Variants in PLEKHG3 observed in about 807,000 individuals in gnomAD.
PLEKHG3 encodes pleckstrin homology domain-containing family G member 3.
Under a neutral mutation model 94.9 loss-of-function variants are expected in PLEKHG3, and 62 were observed. The ratio of observed to expected loss-of-function variants is 0.65; its 90% CI spans 0.53 to 0.81. The LOEUF (loss-of-function observed/expected upper bound fraction) is 0.81, where lower values mean the gene tolerates loss of function less well. PLEKHG3 is among the 30% of genes least tolerant of loss of function. The pLI is 0.00. For missense variants in PLEKHG3, 1,461 were observed against 1,619.3 expected, an observed-to-expected ratio of 0.90 and a Z score of 1.68; for synonymous variants, 614 against 654.0, an observed-to-expected ratio of 0.94 and a Z score of 0.93.
chr14:64,732,269 G>C lies in PLEKHG3; in HGVS notation c.1212+88G>C. The C allele has an allele frequency of 3.7e-6, 5 of 1,345,158 alleles. No individual in the cohort carries two copies. The highest frequency in any genetic ancestry group is 5.3e-6 in the Non-Finnish European group (5 of 936,708). The allele number at this position is 1,345,158 out of a possible 1,614,324, so 83.3% of individuals were successfully genotyped here. A position where few individuals can be genotyped will look rare whatever the true frequency, so the allele number is the denominator to read the frequency against. ...AGGTCCATTGGGGGCTCACCTTCTG[G>C]ATTTGGGCTCCAGTGGACAGTGAGT... On this transcript the variant is annotated intron_variant, in intron 10 of 16. Transcript: ENST00000247226. The surrounding 1 kb of genome is among the most constrained non-coding windows in gnomAD (Gnocchi z 4.9).
rs1395854104 is a variant in PLEKHG3 at position 64,741,118 on chromosome 14, A to G, written c.1601A>G (p.Asp534Gly). Residue 534 changes from aspartate (D) to glycine (G), a missense_variant, in exon 16 of 17, where the codon GAC (aspartate) becomes GGC (glycine). Coordinates refer to ENST00000247226, the MANE Select transcript of PLEKHG3 (RefSeq NM_001308147.2). ...EGPSAEETPS[D>G]TESPEVLETQ... is the part of the protein sequence containing the mutation. ...CCCAGTGCCGAGGAGACGCCTTCAG[A>G]CACAGAATCTCCAGAAGTCCTGGAG... The G allele has an allele frequency of 1.2e-6, 2 of 1,614,050 alleles. No homozygotes were observed.
In PLEKHG3 at chr14:64,731,454, C is replaced by T. The variant is rs1314125081; in HGVS notation, c.943C>T (p.Arg315Cys). ...LEGTFRVHRV[R>C]NERTFFLFDK... ...GGGCACATTCCGCGTGCATCGCGTG[C>T]GCAATGAAAGGACCTTTTTCCTCTT... The change falls in exon 8 of 17, where the codon CGC becomes TGC. Residue 315 changes from arginine (R) to cysteine (C), a missense_variant. Physicochemically the swap from Arg to Cys is radical, Grantham distance 180. This residue lies in a region of PLEKHG3 where 1,201 missense variants were observed against 1,295.5 expected (regional missense o/e 0.93). Transcript: ENST00000247226. This position sits in a 1 kb window ranked among gnomAD's most constrained non-coding sequence, Gnocchi z 6.1. 16 of 1,613,818 alleles carry T rather than the reference C, an allele frequency of 9.9e-6. No individual in the cohort carries two copies. Among genetic ancestry groups the T allele is most frequent in the East Asian group, 2.2e-5 (1 of 44,858 alleles).
rs377751752 is a variant in PLEKHG3, at chr14:64,718,054, T to C, written c.-39-9539T>C. Among the ~76,000 whole-genome samples the C allele has an allele frequency of 6.0e-4, 92 of 152,314 alleles. No homozygotes were observed. The highest frequency in any genetic ancestry group is 2.1e-3 in the African/African-American group (88 of 41,576). On this transcript the variant is annotated intron_variant, in intron 1 of 16. Transcript: ENST00000247226. The surrounding 1 kb of genome is among the most constrained non-coding windows in gnomAD (Gnocchi z 5.0). ...GTCCTCTCGGGACTCAGCTGCTCTC[T>C]TGGCAGCAAATGCACTCAGATCTCT...
In PLEKHG3 at chr14:64,721,616, G is replaced by T. The variant is rs2081263229; in HGVS notation, c.-39-5977G>T. Among the ~76,000 whole-genome samples the T allele has an allele frequency of 6.6e-6, 1 of 152,206 alleles. No individual in the cohort carries two copies. Among genetic ancestry groups the T allele is most frequent in the Non-Finnish European group, 1.5e-5 (1 of 68,034 alleles). ...TGGTCACACTGTTGGCACAGCCTCT[G>T]CAGGCAGTCACGTTGCTCACATGCA... On this transcript the variant is annotated intron_variant, in intron 1 of 16. Transcript: ENST00000247226. The surrounding 1 kb of genome is among the most constrained non-coding windows in gnomAD (Gnocchi z 4.3).
intron 1 of PLEKHG3, among the ~76,000 whole-genome samples, chr14:64,709,381 A>G (rs534700651): frequency 6.6e-6 from 1 of 152,304 alleles, no homozygotes; most frequent in East Asian, 1.9e-4. Flanking sequence ...GGCTTTATAC[A>G]GTTCTGGCGG....
rs1594690197 is a variant in PLEKHG3, at chr14:64,730,292, G to A, written c.499G>A (p.Ala167Thr). The A allele has an allele frequency of 1.3e-6, 2 of 1,535,114 alleles. No individual in the cohort carries two copies. The highest frequency in any genetic ancestry group is 1.7e-6 in the Non-Finnish European group (2 of 1,145,956). Residue 167 changes from alanine to threonine, a missense_variant, in exon 4 of 17, where the codon GCC becomes ACC. Around this residue, in one of 3 missense-constraint regions of PLEKHG3, gnomAD observed 253 missense variants for 297.8 expected, o/e 0.85. Transcript: ENST00000247226. This position sits in a 1 kb window ranked among gnomAD's most constrained non-coding sequence, Gnocchi z 5.4. The stretch of plus-strand genomic sequence containing the variant: ...CTGCAATAGTGACCCCGTGGCTGTG[G>A]CCAGCTGCTTTGTGGAAAGGGTAAG... ...DSCNSDPVAV[A>T]SCFVERSQEF...
Position 64,743,948 on chromosome 14 carries a change from AGTT to A in PLEKHG3, c.*249_*251del, listed in dbSNP as rs1461387220. 3 of 411,640 alleles carry A rather than the reference AGTT, an allele frequency of 7.3e-6. No individual in the cohort carries two copies. Among genetic ancestry groups the A allele is most frequent in the Non-Finnish European group, 1.3e-5 (3 of 232,412 alleles). 25.5% of individuals were successfully genotyped at this position (411,640 alleles called of 1,614,324 possible). A position where few individuals can be genotyped will look rare whatever the true frequency, so the allele number is the denominator to read the frequency against. ...CGGTGTGGCTGCTTCCCTTGTAAAT[AGTT>A]GTTCTCTGGTAAGAAGCCAAATATT... On this transcript the variant is annotated 3_prime_UTR_variant, in exon 17 of 17. Transcript: ENST00000247226. This position sits in a 1 kb window ranked among gnomAD's most constrained non-coding sequence, Gnocchi z 7.2.
At chr14:64,735,728 A>C (rs928441054) in intron 12 of PLEKHG3, among the ~76,000 whole-genome samples, 5 of 149,424 alleles carry the variant, frequency 3.3e-5, no homozygotes, top group Admixed American at 3.3e-4. Context: ...ACATGCAGGC[A>C]CTTTACTGCC....
chr14:64,710,125 G>A (rs1162683758), intron 1 of PLEKHG3, among the ~76,000 whole-genome samples: 1 of 152,198 alleles, frequency 6.6e-6, no homozygotes, highest in Non-Finnish European at 1.5e-5. Context: ...AAAGTGGACA[G>A]CAGGGTGTAT....
chr14:64,731,562 A>G lies in PLEKHG3; in HGVS notation c.1032+19A>G. 1 of 1,610,682 alleles carries G rather than the reference A, an allele frequency of 6.2e-7. No individual in the cohort carries two copies. Among genetic ancestry groups the G allele is most frequent in the Non-Finnish European group, 8.5e-7 (1 of 1,177,372 alleles). On this transcript the variant is annotated intron_variant, in intron 8 of 16. Transcript: ENST00000247226. This position sits in a 1 kb window ranked among gnomAD's most constrained non-coding sequence, Gnocchi z 6.1. ...CATCCCGGTAACCAGGCCCTGCCCC[A>G]TCTCCTCTGCCATCTTCTCTCCTTC...
intron 1 of PLEKHG3, among the ~76,000 whole-genome samples, chr14:64,707,979 T>G (rs1331459990): frequency 2.0e-5 from 3 of 152,256 alleles, no homozygotes; most frequent in Admixed American, 2.0e-4. Flanking sequence ...TTCGATAAAC[T>G]ATTTCTCCAA....
rs762563054 is a variant in PLEKHG3 at position 64,727,796 on chromosome 14, C to G, written c.165C>G (p.Ser55Arg). Reference protein sequence around the residue: ...PAKNGAGSLRSRHLPNSNNNS... With the variant: ...PAKNGAGSLRRRHLPNSNNNS... ...AGAATGGGGCAGGCTCCCTGAGAAG[C>G]CGGCATCTGCCCAACAGCAACAACA... Residue 55 changes from serine to arginine, a missense_variant, in exon 2 of 17, where the codon AGC (serine) becomes AGG (arginine). Physicochemically the swap from Ser to Arg is moderately radical, Grantham distance 110. This residue lies in a region of PLEKHG3 where 253 missense variants were observed against 297.8 expected (regional missense o/e 0.85). Coordinates refer to ENST00000247226, the MANE Select transcript of PLEKHG3 (RefSeq NM_001308147.2). This position sits in a 1 kb window ranked among gnomAD's most constrained non-coding sequence, Gnocchi z 6.0. 3.1e-6 allele frequency: 5 copies of G among 1,610,442 alleles called. No homozygotes were observed. The highest frequency in any genetic ancestry group is 4.2e-6 in the Non-Finnish European group (5 of 1,177,348).
rs774739485 is a variant in PLEKHG3 at position 64,731,556 on chromosome 14, T to G, written c.1032+13T>G. ...GGGCAACATCCCGGTAACCAGGCCC[T>G]GCCCCATCTCCTCTGCCATCTTCTC... On this transcript the variant is annotated intron_variant, in intron 8 of 16. Coordinates refer to ENST00000247226, the MANE Select transcript of PLEKHG3 (RefSeq NM_001308147.2). This position sits in a 1 kb window ranked among gnomAD's most constrained non-coding sequence, Gnocchi z 6.1. 6 of 1,612,368 alleles carry G rather than the reference T, an allele frequency of 3.7e-6. No homozygotes were observed. The Admixed American group carries it at 1.0e-4, about 27-fold the overall frequency.
chr14:64,714,883 G>C (rs2081114246), intron 1 of PLEKHG3, among the ~76,000 whole-genome samples: 1 of 152,054 alleles, frequency 6.6e-6, no homozygotes, highest in Non-Finnish European at 1.5e-5. Flanking sequence ...GTAGGGATTT[G>C]AGTGCCAGAG....
chr14:64,732,104 G>A lies in PLEKHG3; in HGVS notation c.1135G>A (p.Val379Met). Reference sequence around the variant, plus strand: ...CCTTGGGTCCTCCCAGGCCAAGACAGTGGAGGAGAAACGGAACTGGACTCA... The same window carrying A: ...CCTTGGGTCCTCCCAGGCCAAGACAATGGAGGAGAAACGGAACTGGACTCA... ...KQQYSIQAKT[V>M]EEKRNWTHHI... Residue 379 changes from valine to methionine, a missense_variant, in exon 10 of 17, where the codon GTG becomes ATG. Transcript: ENST00000247226. The surrounding 1 kb of genome is among the most constrained non-coding windows in gnomAD (Gnocchi z 4.9). 6.2e-7 allele frequency: 1 copy of A among 1,612,560 alleles called. No homozygotes were observed. Among genetic ancestry groups the A allele is most frequent in the South Asian group, 1.1e-5 (1 of 91,044 alleles).
chr14:64,732,733 T>C lies in PLEKHG3; in HGVS notation c.1247-70T>C. ...GTGGGTATAGAGGTCTGGCTGGTTA[T>C]GGACAGGGTCTAGGGTAGGCCAAGG... On this transcript the variant is annotated intron_variant, in intron 11 of 16. Transcript: ENST00000247226. This position sits in a 1 kb window ranked among gnomAD's most constrained non-coding sequence, Gnocchi z 4.9. The C allele has an allele frequency of 9.1e-6, 11 of 1,211,552 alleles. No homozygotes were observed. The South Asian group carries it at 1.5e-4, about 16-fold the overall frequency. 75.1% of individuals were successfully genotyped at this position (1,211,552 alleles called of 1,614,324 possible).
Position 64,743,015 on chromosome 14 carries a change from A to G in PLEKHG3, c.2972A>G (p.Tyr991Cys), listed in dbSNP as rs1272113317. ...KRKPVLSLFD[Y>C]EQLMAQEHSP... Reference sequence around the variant, plus strand: ...AAGCCGGTGCTGTCTCTATTTGACTATGAGCAGCTGATGGCCCAGGAGCAC... The same window carrying G: ...AAGCCGGTGCTGTCTCTATTTGACTGTGAGCAGCTGATGGCCCAGGAGCAC... Residue 991 changes from tyrosine to cysteine, a missense_variant, in exon 17 of 17, where the codon TAT (tyrosine) becomes TGT (cysteine). Transcript: ENST00000247226. This position sits in a 1 kb window ranked among gnomAD's most constrained non-coding sequence, Gnocchi z 7.2. 1 of 1,613,086 alleles carries G rather than the reference A, an allele frequency of 6.2e-7. No homozygotes were observed. The highest frequency in any genetic ancestry group is 8.5e-7 in the Non-Finnish European group (1 of 1,179,804).
chr14:64,710,957 A>T (rs1346754309), intron 1 of PLEKHG3, among the ~76,000 whole-genome samples: 2 of 152,094 alleles, frequency 1.3e-5, no homozygotes, highest in African/African-American at 4.8e-5. Context: ...TGTTCCCTTG[A>T]CTCTGTTTAG....
intron 1 of PLEKHG3, among the ~76,000 whole-genome samples, chr14:64,724,246 G>A (rs1265587771): frequency 6.6e-6 from 1 of 152,086 alleles, no homozygotes; most frequent in Non-Finnish European, 1.5e-5. Flanking sequence ...CACTCAGAAT[G>A]CACTCTGAGA....
Sources: allele counts gnomAD v4.1 joint callset (sites outside exome capture counted in the v4.1 genomes callset), GRCh38; gene constraint gnomAD v4.1.1; regional missense constraint gnomAD v4.1.1; non-coding constraint Gnocchi (gnomAD v3.1); transcripts MANE v1.5; gene names NCBI Gene and HGNC (gene_info 2026-07-23, HGNC 2026-07-21).